GSTM4: variants seen among roughly 807,000 people sequenced by gnomAD.
GSTM4 encodes GST class-mu 4.
In GSTM4, 27 loss-of-function variants were observed where a neutral mutation model predicts 30.1. That is an observed-to-expected ratio of 0.90 (90% confidence interval 0.66 to 1.24). The LOEUF (loss-of-function observed/expected upper bound fraction) is 1.24. Ranked by LOEUF, GSTM4 falls within the 50% of genes most tolerant of loss-of-function variation. GSTM4 has a pLI of 0.00. For synonymous variants in GSTM4, 94 were observed against 96.2 expected (o/e 0.98, Z 0.13); for missense variants, 238 against 272.1 (o/e 0.87, Z 0.88).
rs3211199 is a variant in GSTM4 at position 109,658,871 on chromosome 1, C to T, written c.418C>T (p.Gln140Ter). 3.7e-6 allele frequency: 6 copies of T among 1,614,096 alleles called. No homozygotes were observed. The East Asian group carries it at 1.3e-4, about 36-fold the overall frequency. ...TCCTACAATGATGCAGCACTTCTCA[C>T]AGTTCCTGGGGAAGAGGCCATGGTT... ...ELPTMMQHFS[Q>*]FLGKRPWFVG... Residue 140 changes from glutamine to a stop codon, truncating the protein, a stop_gained, in exon 6 of 8, where the codon CAG (glutamine) becomes TAG (stop). Transcript: ENST00000369836. LOFTEE classifies it high-confidence loss of function.
intron 1 of GSTM4, 136 bp from the exon 2 acceptor site, chr1:109,656,575 TG>T: frequency 5.9e-6 from 4 of 681,728 alleles, no homozygotes; most frequent in Non-Finnish European, 1.0e-5. Context: ...TGTGTGTGTG[TG>T]TGTGTGTGTG....
chr1:109,656,605 G>A (rs1401350221), intron 1 of GSTM4, 107 bp from the exon 2 acceptor site: 2 of 512,882 alleles, frequency 3.9e-6, no homozygotes, highest in Non-Finnish European at 6.4e-6. Flanking sequence ...CGCCGGGGTG[G>A]GGGGGGGGTG....
chr1:109,659,958 A>C (rs1652234067), intron 7 of GSTM4: 1 of 289,724 alleles, frequency 3.5e-6, no homozygotes, highest in African/African-American at 2.3e-5. Context: ...GCAGCCTGTG[A>C]GGTGTGTGGC....
intron 7 of GSTM4, 194 bp from the exon 8 acceptor site, chr1:109,660,971 A>G (rs1040049720): frequency 4.8e-6 from 3 of 620,558 alleles, no homozygotes; most frequent in Admixed American, 3.0e-5. Flanking sequence ...CTGTGGTACA[A>G]CATTACTTAA....
rs953985589 is a variant in GSTM4, at chr1:109,656,901, T to C, written c.112+114T>C. On this transcript the variant is annotated intron_variant, in intron 2 of 7. Coordinates refer to ENST00000369836, the MANE Select transcript of GSTM4 (RefSeq NM_000850.5). The stretch of plus-strand genomic sequence containing the variant: ...GGCCTCCCCTGCTGGAGCTGCAGGC[T>C]GTCCCTTCCCTGAGCCCCGGTGAGG... 9.9e-6 allele frequency: 11 copies of C among 1,107,776 alleles called. No individual in the cohort carries two copies. The African/African-American group carries it at 1.5e-4, about 15-fold the overall frequency. 68.6% of individuals were successfully genotyped at this position (1,107,776 alleles called of 1,614,324 possible). A position where few individuals can be genotyped will look rare whatever the true frequency, so the allele number is the denominator to read the frequency against.
chr1:109,657,439 C>T, intron 3 of GSTM4, 151 bp from the exon 4 acceptor site: 2 of 1,429,238 alleles, frequency 1.4e-6, no homozygotes, highest in Non-Finnish European at 2.0e-6. Flanking sequence ...TGTGTCCCAG[C>T]TCATTTGTTC....
chr1:109,659,331 A>C, intron 7 of GSTM4: 1 of 1,529,814 alleles, frequency 6.5e-7, no homozygotes, highest in Non-Finnish European at 8.8e-7. Flanking sequence ...AGAGATAAGA[A>C]AACTTTGAAT....
chr1:109,656,475 G>A (rs774924435), intron 1 of GSTM4, 50 bp downstream of exon 1: 17 of 1,608,166 alleles, frequency 1.1e-5, no homozygotes, highest in Non-Finnish European at 1.0e-5. Context: ...GGCGGGAAGT[G>A]CCGAGCGGCT....
Position 109,661,405 on chromosome 1 carries a change from C to G in GSTM4, c.*151C>G. On this transcript the variant is annotated 3_prime_UTR_variant, in exon 8 of 8. Transcript: ENST00000369836. ...CTTTACCCCCAAGACTTTATTGGGC[C>G]TCTTCACTTCCCCTAAACCCCTGTC... is the stretch of plus-strand genomic sequence containing the variant. 1 of 1,510,886 alleles carries G rather than the reference C, an allele frequency of 6.6e-7. No individual in the cohort carries two copies. The highest frequency in any genetic ancestry group is 1.3e-5 in the South Asian group (1 of 76,970). 93.6% of individuals were successfully genotyped at this position (1,510,886 alleles called of 1,614,324 possible). A position where few individuals can be genotyped will look rare whatever the true frequency, so the allele number is the denominator to read the frequency against.
chr1:109,657,926 T>A, intron 5 of GSTM4, 54 bp downstream of exon 5: 1 of 1,495,902 alleles, frequency 6.7e-7, no homozygotes, highest in South Asian at 1.1e-5. Context: ...CCATCTACTC[T>A]GGTCCTATTC....
At chr1:109,665,514 G>C (rs1171566694), downstream of GSTM4, 3 of 158,762 alleles carry the variant, frequency 1.9e-5, no homozygotes, top group East Asian at 3.6e-4. Context: ...TCTTAGTGGT[G>C]TCACTTCAAA....
downstream of GSTM4, among the ~76,000 whole-genome samples, chr1:109,662,191 A>G (rs1002601165): frequency 6.6e-6 from 1 of 152,236 alleles, no homozygotes; most frequent in African/African-American, 2.4e-5. Flanking sequence ...AAAGTGCTCT[A>G]TAGAAAGGAT....
intron 1 of GSTM4, 77 bp downstream of exon 1, chr1:109,656,502 G>A: frequency 6.6e-7 from 1 of 1,522,140 alleles, no homozygotes; most frequent in South Asian, 1.1e-5. Context: ...CGGCTCTAGG[G>A]ACGGTTCCCT....
chr1:109,657,392 C>A, intron 3 of GSTM4, 113 bp downstream of exon 3: 2 of 1,462,774 alleles, frequency 1.4e-6, no homozygotes, highest in Non-Finnish European at 9.6e-7. Context: ...CAATTCCTCT[C>A]ACTCCTGGTT....
At chr1:109,658,721 C>A in intron 5 of GSTM4, 93 bp from the exon 6 acceptor site, 2 of 866,844 alleles carry the variant, frequency 2.3e-6, no homozygotes, top group Admixed American at 1.8e-5. Flanking sequence ...GCTGCTTGCT[C>A]GTGGCCAGCT....
At chr1:109,656,899 G>A in intron 2 of GSTM4, 112 bp downstream of exon 2, 1 of 1,125,084 alleles carries the variant, frequency 8.9e-7, no homozygotes, top group Non-Finnish European at 1.4e-6. Flanking sequence ...GGAGCTGCAG[G>A]CTGTCCCTTC....
intron 1 of GSTM4, 74 bp from the exon 2 acceptor site, chr1:109,656,638 T>C: frequency 7.2e-7 from 1 of 1,396,856 alleles, no homozygotes; most frequent in Non-Finnish European, 1.0e-6. Flanking sequence ...GACTAGGGGC[T>C]CACCTGGTGC....
rs1260772791 is a variant in GSTM4 at position 109,658,860 on chromosome 1, A to AG, written c.408dup (p.His137AlafsTer26). ...TTGGAGGAACTTCCTACAATGATGC[A>AG]GCACTTCTCACAGTTCCTGGGGAAG... On this transcript the variant is annotated frameshift_variant, in exon 6 of 8. Coordinates refer to ENST00000369836, the MANE Select transcript of GSTM4 (RefSeq NM_000850.5). LOFTEE classifies it high-confidence loss of function. The AG allele has an allele frequency of 1.2e-6, 2 of 1,614,190 alleles. No individual in the cohort carries two copies. Among genetic ancestry groups the AG allele is most frequent in the East Asian group, 4.5e-5 (2 of 44,886 alleles).
At chr1:109,665,072 C>T (rs1330060570), downstream of GSTM4, 13 of 1,168,720 alleles carry the variant, frequency 1.1e-5, no homozygotes, top group Non-Finnish European at 1.4e-5. Flanking sequence ...CTAAGGGATG[C>T]TCAGATGGCA....
Sources: allele counts gnomAD v4.1 joint callset (sites outside exome capture counted in the v4.1 genomes callset), GRCh38; gene constraint gnomAD v4.1.1; transcripts MANE v1.5; gene names NCBI Gene and HGNC (gene_info 2026-07-23, HGNC 2026-07-21).